Variants in IFI16 observed in about 807,000 individuals in gnomAD.
The protein encoded by IFI16 is gamma-interferon-inducible protein 16.
A neutral mutation model predicts 68.4 loss-of-function variants in IFI16; 49 were observed. That is an observed-to-expected ratio of 0.72 (90% confidence interval 0.57 to 0.91). IFI16 has a LOEUF of 0.91. Ranked by LOEUF, IFI16 falls within the 40% of genes least tolerant of loss-of-function variation. The pLI, the probability that IFI16 is intolerant of heterozygous loss-of-function variation, is 0.00. For synonymous variants in IFI16, 307 were observed against 315.0 expected (o/e 0.97, Z 0.27); for missense variants, 878 against 942.9 (o/e 0.93, Z 0.90).
intron 6 of IFI16, among the ~76,000 whole-genome samples, chr1:159,028,464 C>A (rs1101997): frequency 0.61 from 93,263 of 151,878 alleles, 34,494 homozygotes; most frequent in Non-Finnish European, 0.79. Flanking sequence ...GTTCCATGTG[C>A]TGATGAAAAG....
chr1:159,022,412 C>A (rs1416191926), intron 6 of IFI16, among the ~76,000 whole-genome samples: 1 of 152,164 alleles, frequency 6.6e-6, no homozygotes, highest in Admixed American at 6.5e-5. Context: ...AGCAGTTTTG[C>A]CACAAGAGTA....
chr1:159,014,918 GA>G lies in IFI16; in HGVS notation c.241del (p.Thr81LeufsTer7). On this transcript the variant is annotated frameshift_variant, in exon 2 of 12. Transcript: ENST00000295809. LOFTEE classifies it high-confidence loss of function. ...EDIPTLEDLA[E>X]TLKKEKLKVK... Reference sequence around the variant, plus strand: ...TATACCAACGCTTGAAGACCTGGCTGAAACTCTTAAAAAAGAAAAGTTAAAA... The same window carrying G: ...TATACCAACGCTTGAAGACCTGGCTGAACTCTTAAAAAAGAAAAGTTAAAA... 2 of 1,608,014 alleles carry G rather than the reference GA, an allele frequency of 1.2e-6. No homozygotes were observed. The highest frequency in any genetic ancestry group is 3.4e-5 in the Admixed American group (2 of 58,462).
intron 7 of IFI16, among the ~76,000 whole-genome samples, chr1:159,034,785 C>T (rs1478651720): frequency 6.6e-6 from 1 of 152,152 alleles, no homozygotes; most frequent in Non-Finnish European, 1.5e-5. Context: ...AGCATTTAAA[C>T]AATTGGGGTG....
intron 6 of IFI16, among the ~76,000 whole-genome samples, chr1:159,029,421 C>A (rs1178807343): frequency 6.6e-6 from 1 of 152,150 alleles, no homozygotes; most frequent in Admixed American, 6.5e-5. Flanking sequence ...TCTTAAAATT[C>A]TTTTCTCCGT....
intron 6 of IFI16, among the ~76,000 whole-genome samples, chr1:159,028,599 G>A (rs1653809773): frequency 6.6e-6 from 1 of 152,108 alleles, no homozygotes; most frequent in Non-Finnish European, 1.5e-5. Context: ...GGACTGTCTA[G>A]TGCTTTCAGT....
chr1:159,002,548 TTAC>T (rs1652100296), upstream of IFI16, among the ~76,000 whole-genome samples: 1 of 151,220 alleles, frequency 6.6e-6, no homozygotes, highest in Admixed American at 6.6e-5. Flanking sequence ...CACGATACCG[TTAC>T]TATTACCTCA....
chr1:159,036,945 C>T (rs1654359633), intron 7 of IFI16, among the ~76,000 whole-genome samples: 1 of 152,122 alleles, frequency 6.6e-6, no homozygotes, highest in African/African-American at 2.4e-5. Flanking sequence ...TGTTATTGTC[C>T]TGTTTGACTG....
intron 5 of IFI16, among the ~76,000 whole-genome samples, chr1:159,019,100 T>C (rs866894534): frequency 1.1e-4 from 17 of 152,132 alleles, no homozygotes; most frequent in Admixed American, 2.6e-4. Context: ...AGAAATAAAT[T>C]GACTACTCAT....
chr1:159,046,026 T>C (rs1218883692), intron 8 of IFI16, among the ~76,000 whole-genome samples: 2 of 151,378 alleles, frequency 1.3e-5, no homozygotes, highest in African/African-American at 4.8e-5. Context: ...TTTCTATAAC[T>C]CATGCTTTTT....
chr1:159,000,695 C>A (rs940359482), intron 1 of IFI16, among the ~76,000 whole-genome samples: 5 of 152,140 alleles, frequency 3.3e-5, no homozygotes, highest in African/African-American at 1.2e-4. Flanking sequence ...TCAATTTCTT[C>A]TTTCATGGAT....
At chr1:159,042,040 C>A (rs1386973920) in intron 7 of IFI16, among the ~76,000 whole-genome samples, 1 of 152,202 alleles carries the variant, frequency 6.6e-6, no homozygotes, top group Non-Finnish European at 1.5e-5. Flanking sequence ...TTCTGCTGCA[C>A]CTAAACCTCC....
chr1:159,034,545 C>G (rs954490284), intron 7 of IFI16, among the ~76,000 whole-genome samples: 4 of 152,126 alleles, frequency 2.6e-5, no homozygotes, highest in Admixed American at 6.6e-5. Flanking sequence ...TTTAAAATAT[C>G]GATGGTCTTT....
intron 7 of IFI16, among the ~76,000 whole-genome samples, chr1:159,042,904 AATGGGCAGGGAAGGT>A (rs1654749508): frequency 6.6e-6 from 1 of 152,170 alleles, no homozygotes; most frequent in African/African-American, 2.4e-5. Flanking sequence ...ACCCAAGGCA[AATGGGCAGGGAAGGT>A]ATGGGCAGGG....
intron 8 of IFI16, among the ~76,000 whole-genome samples, chr1:159,049,117 G>GC (rs1299138874): frequency 2.0e-5 from 3 of 149,618 alleles, no homozygotes; most frequent in African/African-American, 7.5e-5. Context: ...AAGCCATGCT[G>GC]CCCCCAAAAT....
chr1:159,027,380 ACTTGATCAT>A (rs1653735155), intron 6 of IFI16, among the ~76,000 whole-genome samples: 1 of 152,130 alleles, frequency 6.6e-6, no homozygotes, highest in Non-Finnish European at 1.5e-5. Context: ...TATGAAACCG[ACTTGATCAT>A]GGTGCATTAT....
chr1:159,038,838 C>CTGA (rs1315011070), intron 7 of IFI16, among the ~76,000 whole-genome samples: 2 of 152,276 alleles, frequency 1.3e-5, no homozygotes, highest in East Asian at 3.9e-4. Flanking sequence ...TTCTGAATAT[C>CTGA]TGATGCACAC....
intron 6 of IFI16, among the ~76,000 whole-genome samples, chr1:159,028,653 T>C (rs781562700): frequency 1.3e-5 from 2 of 152,172 alleles, no homozygotes; most frequent in Non-Finnish European, 2.9e-5. Context: ...CCATCTGTCT[T>C]ATTTCTTAGG....
intron 10 of IFI16, chr1:159,052,430 T>A (rs1655421999): frequency 4.9e-6 from 1 of 206,122 alleles, no homozygotes; most frequent in Admixed American, 5.1e-5. Flanking sequence ...AGGATTTTGT[T>A]TCTTTGAGTT....
chr1:159,018,211 C>T lies in IFI16; in HGVS notation c.550-18C>T, dbSNP rs1653058068. 1.2e-6 allele frequency: 2 copies of T among 1,602,724 alleles called. No individual in the cohort carries two copies. The highest frequency in any genetic ancestry group is 1.1e-5 in the South Asian group (1 of 90,264). ...CAATTAGACATTTTTCTTTGTTCTC[C>T]TGTGCTATCATACACAGAACCCGAA... On this transcript the variant is annotated intron_variant, in intron 4 of 11. Transcript: ENST00000295809.
Sources: allele counts gnomAD v4.1 joint callset (sites outside exome capture counted in the v4.1 genomes callset), GRCh38; gene constraint gnomAD v4.1.1; transcripts MANE v1.5; gene names NCBI Gene and HGNC (gene_info 2026-07-23, HGNC 2026-07-21).